OR10H3: variants seen among roughly 807,000 people sequenced by gnomAD.
OR10H3 encodes olfactory receptor family 10 subfamily H member 3, also known as olfactory receptor 10H3.
A neutral mutation model predicts 11.1 loss-of-function variants in OR10H3; 15 were observed. The observed-to-expected ratio is 1.36, with a 90% CI of 0.91 to 2.09. OR10H3 has a LOEUF of 2.09. OR10H3 is among the 30% of genes most tolerant of loss of function. The pLI is 0.00. For synonymous variants in OR10H3, 149 were observed against 142.1 expected (o/e 1.05, Z -0.35); for missense variants, 403 against 391.5 (o/e 1.03, Z -0.25).
chr19:15,742,194 C>G lies in OR10H3; in HGVS notation c.802C>G (p.His268Asp), dbSNP rs765892034. 1.4e-5 allele frequency: 23 copies of G among 1,614,022 alleles called. No homozygotes were observed. The highest frequency in any genetic ancestry group is 1.9e-5 in the Non-Finnish European group (22 of 1,180,044). Residue 268 changes from histidine (H) to aspartate (D), a missense_variant, in exon 2 of 2, where the codon CAT (histidine) becomes GAT (aspartate). By Grantham distance (81) the His-to-Asp change is moderately conservative. Transcript: ENST00000641646. ...TATCTACCTCAAACCCAAGGGCCTCCATTCTATGTACAGTGATGCCTTGAT... is the reference window on the plus strand; with the variant it reads ...TATCTACCTCAAACCCAAGGGCCTCGATTCTATGTACAGTGATGCCTTGAT... The part of the protein sequence containing the change: ...SLIYLKPKGL[H>D]SMYSDALMAT...
Position 15,742,095 on chromosome 19 carries a change from G to C in OR10H3, c.703G>C (p.Gly235Arg). The change falls in exon 2 of 2, where the codon GGC becomes CGC. Residue 235 changes from glycine (G) to arginine (R), a missense_variant. Coordinates refer to ENST00000641646, the MANE Select transcript of OR10H3 (RefSeq NM_013938.2). ...AAILRIPSAE[G>R]RHKTFSTCVS... Reference sequence around the variant, plus strand: ...CATCTTGAGGATTCCTTCTGCTGAGGGCCGGCACAAGACTTTCTCCACTTG... The same window carrying C: ...CATCTTGAGGATTCCTTCTGCTGAGCGCCGGCACAAGACTTTCTCCACTTG... The C allele has an allele frequency of 6.2e-7, 1 of 1,613,440 alleles. No individual in the cohort carries two copies.
In OR10H3 at chr19:15,738,017, G is replaced by T; in HGVS notation, c.-46G>T. 1.3e-5 allele frequency: 2 copies of T among 152,726 alleles called. No individual in the cohort carries two copies. Among genetic ancestry groups the T allele is most frequent in the South Asian group, 3.7e-4 (2 of 5,368 alleles). 9.5% of individuals were successfully genotyped at this position (152,726 alleles called of 1,614,324 possible). A position where few individuals can be genotyped will look rare whatever the true frequency, so the allele number is the denominator to read the frequency against. ...TCCCTTACCTTATACCATCACTCAC[G>T]AATTTCAGCTCCATGTTAAAGAACA... On this transcript the variant is annotated 5_prime_UTR_variant, in exon 1 of 2. Transcript: ENST00000641646.
intron 1 of OR10H3, among the ~76,000 whole-genome samples, chr19:15,739,565 C>T (rs949731119): frequency 6.6e-6 from 1 of 151,998 alleles, no homozygotes; most frequent in Non-Finnish European, 1.5e-5. Flanking sequence ...GTGGCACGCG[C>T]CTGTAATCCC....
In OR10H3 at chr19:15,741,965, G is replaced by A. The variant is rs1452935699; in HGVS notation, c.573G>A (p.Gly191=). The stretch of plus-strand genomic sequence containing the variant: ...TTTCCCTCTTGAAGTTGGCCTGTGG[G>A]AGCAAGACATCATCTGTCATCATGG... ...HVLSLLKLAC[G]SKTSSVIMGV... Residue 191 remains glycine (G), a synonymous_variant, in exon 2 of 2, where the codon GGG becomes GGA. Transcript: ENST00000641646. The A allele has an allele frequency of 1.1e-5, 18 of 1,614,016 alleles. No individual in the cohort carries two copies. The highest frequency in any genetic ancestry group is 1.7e-5 in the Admixed American group (1 of 59,988).
At chr19:15,738,870 A>G (rs994270134) in intron 1 of OR10H3, among the ~76,000 whole-genome samples, 10 of 151,878 alleles carry the variant, frequency 6.6e-5, no homozygotes, top group Non-Finnish European at 1.2e-4. Flanking sequence ...GGGTTCTGTT[A>G]TTGGTACCTT....
intron 1 of OR10H3, 104 bp downstream of exon 1, chr19:15,738,155 A>G (rs2008660793): frequency 6.6e-6 from 1 of 151,958 alleles, no homozygotes; most frequent in Non-Finnish European, 1.5e-5. Flanking sequence ...TATCTAGTTA[A>G]GAAAGTCTCC....
chr19:15,738,645 G>T (rs1029546520), intron 1 of OR10H3, among the ~76,000 whole-genome samples: 1 of 151,730 alleles, frequency 6.6e-6, no homozygotes, highest in African/African-American at 2.4e-5. Flanking sequence ...CTGGGGCAAA[G>T]ATTTTAGAGA....
intron 1 of OR10H3, among the ~76,000 whole-genome samples, 178 bp from the exon 2 acceptor site, chr19:15,741,204 G>T (rs1014708945): frequency 3.5e-4 from 54 of 152,234 alleles, no homozygotes; most frequent in African/African-American, 1.2e-3. Context: ...TTTGATCTTT[G>T]TCACATTGCT....
chr19:15,741,118 C>G lies in OR10H3; in HGVS notation c.-11-264C>G, dbSNP rs564002080. Among the ~76,000 whole-genome samples, 4 of 152,276 alleles carry G rather than the reference C, an allele frequency of 2.6e-5. No individual in the cohort carries two copies. In the East Asian group the frequency reaches 5.8e-4, roughly 22 times the overall value. On this transcript the variant is annotated intron_variant, in intron 1 of 1. Transcript: ENST00000641646. ...AATGGCTCCAAGTATTGAAACTTTT[C>G]TTTATGTTAGTCAGTGTTAATGGAA...
At chr19:15,738,923 G>T (rs1438934203) in intron 1 of OR10H3, among the ~76,000 whole-genome samples, 1 of 151,486 alleles carries the variant, frequency 6.6e-6, no homozygotes, top group Non-Finnish European at 1.5e-5. Context: ...ACTTGATTTT[G>T]ATTTTATTAT....
In OR10H3 at chr19:15,741,571, T is replaced by C. The variant is rs1417366483; in HGVS notation, c.179T>C (p.Met60Thr). 1.2e-6 allele frequency: 2 copies of C among 1,614,212 alleles called. No homozygotes were observed. Among genetic ancestry groups the C allele is most frequent in the South Asian group, 2.2e-5 (2 of 91,078 alleles). Reference sequence around the variant, plus strand: ...ATTGAACGCAGACTCCACACACCCATGTACCTCTTCTTGTGTGCCCTCTCC... The same window carrying C: ...ATTGAACGCAGACTCCACACACCCACGTACCTCTTCTTGTGTGCCCTCTCC... ...VWIERRLHTP[M>T]YLFLCALSIS... The change falls in exon 2 of 2, where the codon ATG becomes ACG. Residue 60 changes from methionine to threonine, a missense_variant. Coordinates refer to ENST00000641646, the MANE Select transcript of OR10H3 (RefSeq NM_013938.2).
intron 1 of OR10H3, among the ~76,000 whole-genome samples, chr19:15,738,884 C>A (rs1339408326): frequency 6.6e-6 from 1 of 151,444 alleles, no homozygotes; most frequent in East Asian, 1.9e-4. Flanking sequence ...GTACCTTCTC[C>A]TTGTTTATCT....
Position 15,741,492 on chromosome 19 carries a change from C to T in OR10H3, c.100C>T (p.Leu34=), listed in dbSNP as rs934902542. ...GCCTGTCTTGTTCCTGCTGTACCTC[C>T]TGATGTTCCTGTTCACATTGCTTGG... ...LLPVLFLLYL[L]MFLFTLLGNL... is the part of the protein sequence containing the mutation. Residue 34 remains leucine (L), a synonymous_variant, in exon 2 of 2, where the codon CTG becomes TTG. Transcript: ENST00000641646. 29 of 1,614,094 alleles carry T rather than the reference C, an allele frequency of 1.8e-5. No homozygotes were observed. Among genetic ancestry groups the T allele is most frequent in the Non-Finnish European group, 2.3e-5 (27 of 1,180,038 alleles).
rs912777332 is a variant in OR10H3 at position 15,737,989 on chromosome 19, C to T, written c.-74C>T. 21 of 152,528 alleles carry T rather than the reference C, an allele frequency of 1.4e-4. No individual in the cohort carries two copies. Among genetic ancestry groups the T allele is most frequent in the Admixed American group, 1.4e-3 (21 of 15,276 alleles). The allele number at this position is 152,528 out of a possible 1,614,324, so 9.4% of individuals were successfully genotyped here. A position where few individuals can be genotyped will look rare whatever the true frequency, so the allele number is the denominator to read the frequency against. ...CTTAGATACCTTAGATAACTTGTTT[C>T]TTTCCCTTACCTTATACCATCACTC... On this transcript the variant is annotated 5_prime_UTR_variant, in exon 1 of 2. Coordinates refer to ENST00000641646, the MANE Select transcript of OR10H3 (RefSeq NM_013938.2).
intron 1 of OR10H3, among the ~76,000 whole-genome samples, chr19:15,740,061 T>C (rs1316052663): frequency 6.7e-6 from 1 of 150,200 alleles, no homozygotes; most frequent in African/African-American, 2.5e-5. Flanking sequence ...TAGAGACCAG[T>C]TTGGGCAACA....
rs750213720 is a variant in OR10H3, at chr19:15,741,686, T to A, written c.294T>A (p.Cys98Ter). 6.2e-7 allele frequency: 1 copy of A among 1,614,208 alleles called. No individual in the cohort carries two copies. Among genetic ancestry groups the A allele is most frequent in the Non-Finnish European group, 8.5e-7 (1 of 1,180,040 alleles). The change falls in exon 2 of 2, where the codon TGT becomes TGA. Residue 98 changes from cysteine to a stop codon, truncating the protein, a stop_gained. Transcript: ENST00000641646. LOFTEE classifies it high-confidence loss of function. ...FTHRSITFVA[C>*]AIQMFFSFMF... ...ATCGTTCCATCACCTTTGTGGCTTG[T>A]GCCATTCAGATGTTCTTCTCCTTCA... is the stretch of plus-strand genomic sequence containing the variant.
Position 15,741,961 on chromosome 19 carries a change from G to A in OR10H3, c.569G>A (p.Cys190Tyr). ...CHVLSLLKLA[C>Y]GSKTSSVIMG... ...GTGCTTTCCCTCTTGAAGTTGGCCT[G>A]TGGGAGCAAGACATCATCTGTCATC... The change falls in exon 2 of 2, where the codon TGT (cysteine) becomes TAT (tyrosine). Residue 190 changes from cysteine (C) to tyrosine (Y), a missense_variant. Physicochemically the swap from Cys to Tyr is radical, Grantham distance 194. Transcript: ENST00000641646. 6.2e-7 allele frequency: 1 copy of A among 1,614,148 alleles called. No homozygotes were observed. Among genetic ancestry groups the A allele is most frequent in the Non-Finnish European group, 8.5e-7 (1 of 1,180,028 alleles).
At chr19:15,739,339 G>T (rs1269808278) in intron 1 of OR10H3, among the ~76,000 whole-genome samples, 1 of 152,060 alleles carries the variant, frequency 6.6e-6, no homozygotes, top group Non-Finnish European at 1.5e-5. Context: ...ATTATTAATT[G>T]CTTTGTAATT....
chr19:15,741,810 C>T lies in OR10H3; in HGVS notation c.418C>T (p.Arg140Cys), dbSNP rs200371535. 362 of 1,614,204 alleles carry T rather than the reference C, an allele frequency of 2.2e-4. No individual in the cohort carries two copies. Among genetic ancestry groups the T allele is most frequent in the Middle Eastern group, 4.9e-4 (3 of 6,062 alleles). Residue 140 changes from arginine (R) to cysteine (C), a missense_variant, in exon 2 of 2, where the codon CGT becomes TGT. Coordinates refer to ENST00000641646, the MANE Select transcript of OR10H3 (RefSeq NM_013938.2). The stretch of plus-strand genomic sequence containing the variant: ...GCATTACAACATGCTAATGAGTCCC[C>T]GTGGCTGTGCCCATCTTGTGGCCTG... Reference protein sequence around the residue: ...PLHYNMLMSPRGCAHLVAWTW... With the variant: ...PLHYNMLMSPCGCAHLVAWTW...
Sources: gnomAD v4.1 joint callset for allele counts (sites outside exome capture counted in the v4.1 genomes callset) on GRCh38, gnomAD v4.1.1 for gene constraint, MANE v1.5 for transcripts, NCBI Gene and HGNC (gene_info 2026-07-23, HGNC 2026-07-21) for gene names.